ABR: variants seen among roughly 807,000 people sequenced by gnomAD.
ABR encodes the protein active breakpoint cluster region-related protein.
ABR carries 35 observed loss-of-function variants against 107.2 expected under a neutral mutation model. The ratio of observed to expected loss-of-function variants is 0.33; its 90% CI spans 0.25 to 0.43. The LOEUF (loss-of-function observed/expected upper bound fraction) is 0.43. Among genes scored for constraint, ABR ranks in the 20% least tolerant of loss-of-function variants. The pLI is 1.00. For missense variants in ABR, 815 were observed against 1,115.2 expected (o/e 0.73, Z 3.83); for synonymous variants, 498 against 462.0 (o/e 1.08, Z -1.00).
In ABR at chr17:1,043,518, A is replaced by C. The variant is rs148828120; in HGVS notation, c.1791+6532T>G. 5.8e-3 allele frequency among the ~76,000 whole-genome samples: 880 copies of C among 151,938 alleles called. 10 individuals carry two copies. Among genetic ancestry groups the C allele is most frequent in the African/African-American group, 0.018 (736 of 41,404 alleles). On this transcript the variant is annotated intron_variant, in intron 16 of 22. Transcript: ENST00000302538. ...TTTATGTTATGTATATTTCACTACA[A>C]TCTTTTATTTTTTATTTTTTTCAGT...
intron 1 of ABR, among the ~76,000 whole-genome samples, chr17:1,175,363 G>T (rs2041883235): frequency 6.6e-6 from 1 of 152,206 alleles, no homozygotes; most frequent in South Asian, 2.1e-4. Flanking sequence ...AGTGAGCCGA[G>T]ATCGCACCGC....
At chr17:1,096,958 G>C (rs1227465927) in intron 3 of ABR, among the ~76,000 whole-genome samples, 1 of 149,510 alleles carries the variant, frequency 6.7e-6, no homozygotes, top group African/African-American at 2.5e-5. Context: ...GGGGAGGAGA[G>C]AGCCGGGGAA....
At chr17:1,111,454 C>G (rs1006866926) in intron 2 of ABR, among the ~76,000 whole-genome samples, 1 of 151,800 alleles carries the variant, frequency 6.6e-6, no homozygotes, top group Admixed American at 6.5e-5. Context: ...CCCTCCCCTT[C>G]CCTGACAAAT....
chr17:1,173,840 T>C (rs2041834427), intron 1 of ABR, among the ~76,000 whole-genome samples: 1 of 152,204 alleles, frequency 6.6e-6, no homozygotes, highest in Non-Finnish European at 1.5e-5. Flanking sequence ...CCTTCCTAAG[T>C]CCTGTGCCGG....
intron 14 of ABR, chr17:1,055,692 C>T (rs1300098026): frequency 1.4e-5 from 3 of 213,740 alleles, no homozygotes; most frequent in African/African-American, 6.8e-5. Context: ...CATGCCCACG[C>T]TAATTTTAGT....
rs888961925 is a variant in ABR, at chr17:1,196,930, G to A, written c.838+31863C>T. 9.9e-5 allele frequency among the ~76,000 whole-genome samples: 15 copies of A among 151,748 alleles called. 1 individual carries two copies. The highest frequency in any genetic ancestry group is 2.2e-4 in the African/African-American group (9 of 41,078). ...AGGATGGTCTCAATCTCCTGACCTCGTGATCCATCCGCCTCGGCCTCCCAA... is the reference window on the plus strand; with the variant it reads ...AGGATGGTCTCAATCTCCTGACCTCATGATCCATCCGCCTCGGCCTCCCAA... On this transcript the variant is annotated intron_variant, in intron 1 of 22. Transcript: ENST00000574139.
At chr17:1,015,542 C>T (rs897706907) in intron 16 of ABR, among the ~76,000 whole-genome samples, 4 of 152,008 alleles carry the variant, frequency 2.6e-5, no homozygotes, top group South Asian at 2.1e-4. Flanking sequence ...CAGCAACCTC[C>T]GCCTCCTGGG....
intron 2 of ABR, among the ~76,000 whole-genome samples, chr17:1,108,467 C>G (rs535517677): frequency 1.2e-4 from 19 of 152,378 alleles, no homozygotes; most frequent in South Asian, 1.2e-3. Flanking sequence ...TTCCCTCCCC[C>G]CTTCAGCTGA....
chr17:1,155,303 T>G (rs2040996200), intron 1 of ABR, among the ~76,000 whole-genome samples: 1 of 152,136 alleles, frequency 6.6e-6, no homozygotes, highest in Admixed American at 6.6e-5. Context: ...AGACCCTTCA[T>G]GGGGAAAGAA....
intron 16 of ABR, among the ~76,000 whole-genome samples, chr17:1,022,255 C>T (rs900846269): frequency 1.3e-5 from 2 of 152,210 alleles, no homozygotes; most frequent in Non-Finnish European, 2.9e-5. Context: ...CTGAGCCAGG[C>T]ATCGGGTCTG....
At chr17:1,176,257 G>A (rs558050614) in intron 1 of ABR, among the ~76,000 whole-genome samples, 1 of 152,270 alleles carries the variant, frequency 6.6e-6, no homozygotes, top group South Asian at 2.1e-4. Context: ...GGCCAGGTTG[G>A]GGTCAGAGCC....
chr17:1,225,427 C>T (rs182716217), intron 1 of ABR, among the ~76,000 whole-genome samples: 32 of 152,176 alleles, frequency 2.1e-4, no homozygotes, highest in Non-Finnish European at 2.8e-4. Context: ...CCGAGACAGG[C>T]GGATCACCTG....
chr17:1,050,767 C>A lies in ABR; in HGVS notation c.1562-133G>T. 1.4e-6 allele frequency: 1 copy of A among 721,774 alleles called. No homozygotes were observed. The highest frequency in any genetic ancestry group is 1.6e-5 in the South Asian group (1 of 61,326). 44.7% of individuals were successfully genotyped at this position (721,774 alleles called of 1,614,324 possible). A position where few individuals can be genotyped will look rare whatever the true frequency, so the allele number is the denominator to read the frequency against. ...CCCACGGATGGCATCTTGGCTCTCT[C>A]CTCCCTGAAGCCCGGGACCATCTGG... On this transcript the variant is annotated intron_variant, in intron 14 of 22. Coordinates refer to ENST00000302538, the MANE Select transcript of ABR (RefSeq NM_021962.5). The surrounding 1 kb of genome is among the most constrained non-coding windows in gnomAD (Gnocchi z 4.6).
chr17:1,201,718 C>G (rs568557543), intron 1 of ABR, among the ~76,000 whole-genome samples: 1 of 152,126 alleles, frequency 6.6e-6, no homozygotes, highest in Non-Finnish European at 1.5e-5. Context: ...CTCTGTTGCC[C>G]AGGCTGGTGT....
intron 1 of ABR, among the ~76,000 whole-genome samples, chr17:1,177,477 AC>A (rs1243795943): frequency 6.6e-6 from 1 of 151,876 alleles, no homozygotes; most frequent in East Asian, 1.9e-4. Flanking sequence ...GCCCAACAGA[AC>A]CCCCTAAGAG....
chr17:1,216,450 A>G (rs2043012019), intron 1 of ABR, among the ~76,000 whole-genome samples: 1 of 152,200 alleles, frequency 6.6e-6, no homozygotes, highest in Non-Finnish European at 1.5e-5. Flanking sequence ...AAGTGGAGAA[A>G]GGGGCCAGAG....
intron 16 of ABR, among the ~76,000 whole-genome samples, chr17:1,045,918 T>C (rs1217552181): frequency 6.6e-6 from 1 of 152,220 alleles, no homozygotes; most frequent in African/African-American, 2.4e-5. Flanking sequence ...TTGTCCAGGC[T>C]GGAGTGCAAT....
chr17:1,055,961 A>C, intron 14 of ABR, 74 bp downstream of exon 14: 1 of 1,415,410 alleles, frequency 7.1e-7, no homozygotes, highest in Non-Finnish European at 1.0e-6. Flanking sequence ...GCGTGCTGGC[A>C]GGGCCCCATC....
chr17:1,133,826 C>T (rs76158663), intron 1 of ABR, among the ~76,000 whole-genome samples: 7 of 152,138 alleles, frequency 4.6e-5, no homozygotes, highest in African/African-American at 9.7e-5. Context: ...TTACCAGGAA[C>T]GGCTGCCCTA....
Sources: allele counts gnomAD v4.1 joint callset (sites outside exome capture counted in the v4.1 genomes callset), GRCh38; gene constraint gnomAD v4.1.1; non-coding constraint Gnocchi (gnomAD v3.1); transcripts MANE v1.5; gene names NCBI Gene and HGNC (gene_info 2026-07-23, HGNC 2026-07-21).